The following YES1 variants were observed in gnomAD, a reference collection of about 807,000 sequenced individuals.
YES1 encodes the protein tyrosine-protein kinase Yes.
In YES1, 39 loss-of-function variants were observed where a neutral mutation model predicts 70.4. The ratio of observed to expected loss-of-function variants is 0.55; its 90% CI spans 0.43 to 0.72. The LOEUF (loss-of-function observed/expected upper bound fraction) is 0.72, where lower values mean the gene tolerates loss of function less well. Ranked by LOEUF, YES1 falls within the 30% of genes least tolerant of loss-of-function variation. The pLI, the probability that YES1 is intolerant of heterozygous loss-of-function variation, is 0.00. For synonymous variants in YES1, 198 were observed against 218.6 expected, an observed-to-expected ratio of 0.91 and a Z score of 0.83; for missense variants, 495 against 644.8, an observed-to-expected ratio of 0.77 and a Z score of 2.52.
intron 1 of YES1, among the ~76,000 whole-genome samples, chr18:757,363 C>A (rs536304498): frequency 1.3e-5 from 2 of 151,796 alleles, no homozygotes; most frequent in Non-Finnish European, 2.9e-5. Context: ...ATTAGCCGGG[C>A]GTGGTGGTGG....
chr18:745,904 C>A, intron 5 of YES1, 44 bp downstream of exon 5: 2 of 1,603,238 alleles, frequency 1.2e-6, no homozygotes, highest in South Asian at 1.1e-5. Flanking sequence ...CAAAATACTG[C>A]CCCAAGAAAT....
intron 4 of YES1, 121 bp downstream of exon 4, chr18:747,799 T>C: frequency 1.3e-6 from 1 of 786,670 alleles, no homozygotes; most frequent in Non-Finnish European, 2.0e-6. Flanking sequence ...ATTAATATGA[T>C]ACATAAGCTG....
At position 754,218 on chromosome 18, in the gene YES1, G is replaced by A. The variant is rs926576608; in HGVS notation, c.271+2339C>T. ...TAAACTCGCTACCAGAGTCTGTGGGGTCCTGAGTAATCGTGGTCTCCTAAC... is the reference window on the plus strand; with the variant it reads ...TAAACTCGCTACCAGAGTCTGTGGGATCCTGAGTAATCGTGGTCTCCTAAC... On this transcript the variant is annotated intron_variant, in intron 2 of 11. Transcript: ENST00000314574. 2.6e-5 allele frequency among the ~76,000 whole-genome samples: 4 copies of A among 152,154 alleles called. No homozygotes were observed. The South Asian group carries it at 8.3e-4, about 32-fold the overall frequency.
At position 724,698 on chromosome 18, in the gene YES1, C is replaced by A. The variant is rs182461555; in HGVS notation, c.1424-66G>T. 5.9e-3 allele frequency: 7,662 copies of A among 1,293,502 alleles called. 41 individuals carry two copies. Among genetic ancestry groups the A allele is most frequent in the Non-Finnish European group, 6.8e-3 (6,123 of 897,796 alleles). 80.1% of individuals were successfully genotyped at this position (1,293,502 alleles called of 1,614,324 possible). A position where few individuals can be genotyped will look rare whatever the true frequency, so the allele number is the denominator to read the frequency against. The stretch of plus-strand genomic sequence containing the variant: ...ACTACCACTAGGAAAACATAACAAA[C>A]CCCCTAGCCACTAACTCATTCAAAG... On this transcript the variant is annotated intron_variant, in intron 11 of 11. Coordinates refer to ENST00000314574, the MANE Select transcript of YES1 (RefSeq NM_005433.4).
chr18:781,476 T>C (rs1905666920), intron 1 of YES1, among the ~76,000 whole-genome samples: 2 of 152,184 alleles, frequency 1.3e-5, no homozygotes, highest in African/African-American at 4.8e-5. Context: ...ATCTCCCATG[T>C]GCTCACACAG....
At chr18:728,254 G>A (rs1490181740) in intron 11 of YES1, among the ~76,000 whole-genome samples, 1 of 151,438 alleles carries the variant, frequency 6.6e-6, no homozygotes, top group Non-Finnish European at 1.5e-5. Flanking sequence ...TGAGCCCAGG[G>A]AGGTAGAGGC....
Position 747,988 on chromosome 18 carries a change from G to T in YES1, c.402C>A (p.Ile134=). Residue 134 remains isoleucine (I), a synonymous_variant, in exon 4 of 12, where the codon ATC becomes ATA. Coordinates refer to ENST00000314574, the MANE Select transcript of YES1 (RefSeq NM_005433.4). ...TEGDWWEARS[I]ATGKNGYIPS... is the part of the protein sequence containing the mutation. ...GGATATAACCATTCTTTCCTGTAGC[G>T]ATTGATCTTGCTTCCCACCAATCTC... 1.2e-6 allele frequency: 2 copies of T among 1,613,814 alleles called. No homozygotes were observed. Among genetic ancestry groups the T allele is most frequent in the African/African-American group, 2.7e-5 (2 of 75,024 alleles).
intron 1 of YES1, among the ~76,000 whole-genome samples, chr18:786,528 C>CAT (rs1905954929): frequency 6.6e-6 from 1 of 150,732 alleles, no homozygotes; most frequent in Admixed American, 6.6e-5. Flanking sequence ...CACACACACA[C>CAT]ACACACACAG....
intron 8 of YES1, among the ~76,000 whole-genome samples, chr18:740,957 G>A (rs546040993): frequency 6.6e-6 from 1 of 152,294 alleles, no homozygotes; most frequent in Non-Finnish European, 1.5e-5. Flanking sequence ...GAGTGCAGCG[G>A]TGTCATCTTG....
At chr18:811,789 C>T (rs2145852014) in intron 1 of YES1, among the ~76,000 whole-genome samples, 1 of 152,318 alleles carries the variant, frequency 6.6e-6, no homozygotes, top group South Asian at 2.1e-4. Context: ...CTCTCCTCCC[C>T]GTCGCCGGGC....
chr18:737,863 C>T lies in YES1; in HGVS notation c.1138-902G>A, dbSNP rs187310056. Among the ~76,000 whole-genome samples, 94 of 152,234 alleles carry T rather than the reference C, an allele frequency of 6.2e-4. 1 individual carries two copies. In the East Asian group the frequency reaches 0.013, roughly 21 times the overall value. On this transcript the variant is annotated intron_variant, in intron 9 of 11. Coordinates refer to ENST00000314574, the MANE Select transcript of YES1 (RefSeq NM_005433.4). ...GCCTAGTGAGTAGCTGGGACTTAGG[C>T]ATGCGACACCACACCCAGCTAATGT...
upstream of YES1, chr18:812,328 C>CA (rs1491165371): frequency 4.3e-4 from 1 of 2,308 alleles, no homozygotes; most frequent in Non-Finnish European, 7.3e-4. Context: ...ACCTCCTCCG[C>CA]CCCCCCCCCC....
In YES1 at chr18:780,603, C is replaced by T. The variant is rs144315004; in HGVS notation, c.-8-23768G>A. On this transcript the variant is annotated intron_variant, in intron 1 of 11. Transcript: ENST00000314574. The stretch of plus-strand genomic sequence containing the variant: ...AAATTCCTTTTCTTTATAAATTAGC[C>T]AGTTTCAAGTATTCTGAAAATGGAC... Among the ~76,000 whole-genome samples the T allele has an allele frequency of 2.1e-3, 320 of 152,272 alleles. 1 individual carries two copies. The highest frequency in any genetic ancestry group is 7.3e-3 in the African/African-American group (304 of 41,558).
At chr18:739,551 C>G (rs562681950) in intron 9 of YES1, 184 bp downstream of exon 9, 1 of 427,164 alleles carries the variant, frequency 2.3e-6, no homozygotes, top group Non-Finnish European at 4.1e-6. Context: ...TCTTCAAGCA[C>G]GGAGCTATCA....
At chr18:743,797 T>C (rs58213671) in intron 6 of YES1, among the ~76,000 whole-genome samples, 13,398 of 151,266 alleles carry the variant, frequency 0.089, 752 homozygotes, top group East Asian at 0.27. Flanking sequence ...TCTCAGCTAC[T>C]AAGGAAGCTG....
At chr18:794,960 C>T (rs568569838) in intron 1 of YES1, among the ~76,000 whole-genome samples, 42 of 152,220 alleles carry the variant, frequency 2.8e-4, no homozygotes, top group African/African-American at 9.9e-4. Context: ...GAACTACAGG[C>T]GCGTGCCACC....
chr18:747,369 T>G (rs868717646), intron 4 of YES1, among the ~76,000 whole-genome samples: 5 of 152,250 alleles, frequency 3.3e-5, no homozygotes, highest in Middle Eastern at 3.4e-3. Flanking sequence ...CTTGGGAGGC[T>G]GAGGCAGGAG....
intron 3 of YES1, among the ~76,000 whole-genome samples, chr18:749,552 C>A (rs1323282894): frequency 6.7e-6 from 1 of 150,230 alleles, no homozygotes; most frequent in Non-Finnish European, 1.5e-5. Flanking sequence ...ATAATGCATA[C>A]TTATAAAAAT....
In YES1 at chr18:811,523, G is replaced by A. The variant is rs111876808; in HGVS notation, c.-9+591C>T. ...AACCGAACGCAACGGGAGGCGGAGTGGCATGATTCCGTAAAAGTGGACGCT... is the reference window on the plus strand; with the variant it reads ...AACCGAACGCAACGGGAGGCGGAGTAGCATGATTCCGTAAAAGTGGACGCT... On this transcript the variant is annotated intron_variant, in intron 1 of 11. Transcript: ENST00000314574. Among the ~76,000 whole-genome samples, 634 of 152,284 alleles carry A rather than the reference G, an allele frequency of 4.2e-3. 2 individuals are homozygous for A. The highest frequency in any genetic ancestry group is 7.1e-3 in the Non-Finnish European group (486 of 68,018).
Sources: gnomAD v4.1 joint callset for allele counts (sites outside exome capture counted in the v4.1 genomes callset) on GRCh38, gnomAD v4.1.1 for gene constraint, MANE v1.5 for transcripts, NCBI Gene and HGNC (gene_info 2026-07-23, HGNC 2026-07-21) for gene names.